AIG1: variants seen among roughly 807,000 people sequenced by gnomAD.
AIG1 encodes androgen-induced gene 1 protein.
Under a neutral mutation model 31.4 loss-of-function variants are expected in AIG1, and 23 were observed. The ratio of observed to expected loss-of-function variants is 0.73; its 90% CI spans 0.53 to 1.04. The LOEUF (loss-of-function observed/expected upper bound fraction) is 1.04, where lower values mean the gene tolerates loss of function less well. Among genes scored for constraint, AIG1 ranks in the 50% least tolerant of loss-of-function variants. AIG1 has a pLI of 0.00. For synonymous variants in AIG1, 100 were observed against 110.5 expected, an observed-to-expected ratio of 0.90 and a Z score of 0.60; for missense variants, 274 against 295.0, an observed-to-expected ratio of 0.93 and a Z score of 0.52.
chr6:143,276,404 C>T (rs1437762222), intron 3 of AIG1, among the ~76,000 whole-genome samples: 1 of 152,162 alleles, frequency 6.6e-6, no homozygotes, highest in Non-Finnish European at 1.5e-5. Flanking sequence ...GAGTTTTTCA[C>T]CTTGGGTCAC....
rs1798683821 is a variant in AIG1, at chr6:143,299,559, A to C, written c.515+15334A>C. The C allele has an allele frequency of 6.6e-6, 1 of 152,190 alleles. No individual in the cohort carries two copies. Among genetic ancestry groups the C allele is most frequent in the African/African-American group, 2.4e-5 (1 of 41,446 alleles). 9.4% of individuals were successfully genotyped at this position (152,190 alleles called of 1,614,324 possible). ...TTTGTTTCTTTTTGGCTAAAGATGG[A>C]AGTTTGAAGTTATGAAATACCCATA... On this transcript the variant is annotated intron_variant, in intron 4 of 5. Coordinates refer to ENST00000357847, the MANE Select transcript of AIG1 (RefSeq NM_016108.4). The surrounding 1 kb of genome is among the most constrained non-coding windows in gnomAD (Gnocchi z 4.1).
intron 1 of AIG1, among the ~76,000 whole-genome samples, chr6:143,130,778 A>C (rs1435227236): frequency 6.6e-6 from 1 of 152,126 alleles, no homozygotes. Context: ...TACACAGGTA[A>C]ATGTGCATCA....
At chr6:143,061,250 C>T (rs1302857715) in intron 1 of AIG1, 184 bp downstream of exon 1, 1 of 775,372 alleles carries the variant, frequency 1.3e-6, no homozygotes, top group Non-Finnish European at 2.2e-6. Context: ...CCCGCAGCGG[C>T]ACCTTCTGAA....
chr6:143,150,751 C>T (rs1403541691), intron 2 of AIG1, among the ~76,000 whole-genome samples: 1 of 152,176 alleles, frequency 6.6e-6, no homozygotes, highest in Non-Finnish European at 1.5e-5. Flanking sequence ...AAATCACCCA[C>T]ATGAAGTAGA....
intron 3 of AIG1, among the ~76,000 whole-genome samples, chr6:143,251,435 A>G (rs9321895): frequency 0.013 from 1,944 of 152,262 alleles, 49 homozygotes; most frequent in East Asian, 0.065. Flanking sequence ...TAACTGACCC[A>G]TGGAAGTCTC....
chr6:143,335,223 G>T, intron 5 of AIG1: 1 of 1,080,250 alleles, frequency 9.3e-7, no homozygotes, highest in South Asian at 4.0e-5. Context: ...TTTTGTTTTT[G>T]AATCAGTATT....
intron 3 of AIG1, among the ~76,000 whole-genome samples, chr6:143,183,532 A>T (rs1160248431): frequency 6.6e-6 from 1 of 152,128 alleles, no homozygotes; most frequent in Non-Finnish European, 1.5e-5. Flanking sequence ...GCCATCACAA[A>T]TCCCTCTGGA....
chr6:143,065,087 G>C (rs2128457099), intron 1 of AIG1, among the ~76,000 whole-genome samples: 1 of 152,308 alleles, frequency 6.6e-6, no homozygotes, highest in South Asian at 2.1e-4. Flanking sequence ...GATCAGTTAA[G>C]GTAGGGCAGG....
chr6:143,311,152 A>C (rs1201041311), intron 4 of AIG1, among the ~76,000 whole-genome samples: 1 of 151,936 alleles, frequency 6.6e-6, no homozygotes, highest in Non-Finnish European at 1.5e-5. Flanking sequence ...CAAGAAAGAA[A>C]ACTTACAGAC....
At chr6:143,250,579 C>T (rs1438088686) in intron 3 of AIG1, among the ~76,000 whole-genome samples, 4 of 152,086 alleles carry the variant, frequency 2.6e-5, no homozygotes, top group Non-Finnish European at 5.9e-5. Flanking sequence ...GCCCCAAATG[C>T]CATCACAGGT....
chr6:143,096,528 A>G (rs1779813600), intron 1 of AIG1, among the ~76,000 whole-genome samples: 1 of 152,210 alleles, frequency 6.6e-6, no homozygotes, highest in Non-Finnish European at 1.5e-5. Context: ...ACCCAGTCAG[A>G]TGGCTTCTCT....
intron 3 of AIG1, among the ~76,000 whole-genome samples, chr6:143,267,636 T>C (rs1176480071): frequency 6.6e-6 from 1 of 152,204 alleles, no homozygotes; most frequent in East Asian, 1.9e-4. Context: ...TGCCCTCATC[T>C]TGGTTCCTTC....
At chr6:143,285,089 A>G (rs893649330) in intron 4 of AIG1, among the ~76,000 whole-genome samples, 3 of 151,814 alleles carry the variant, frequency 2.0e-5, no homozygotes, top group Admixed American at 2.0e-4. Context: ...AAACCCCTCA[A>G]TTGTACTTAA....
At chr6:143,173,531 ACTTTCCTCTTAGCACTG>A (rs1281467954) in intron 3 of AIG1, among the ~76,000 whole-genome samples, 16 of 152,150 alleles carry the variant, frequency 1.1e-4, no homozygotes, top group Admixed American at 1.0e-3. Flanking sequence ...AATGCTATGA[ACTTTCCTCTTAGCACTG>A]CTTTTGCTGT....
At chr6:143,230,913 C>T (rs1793398678) in intron 3 of AIG1, among the ~76,000 whole-genome samples, 1 of 152,126 alleles carries the variant, frequency 6.6e-6, no homozygotes, top group South Asian at 2.1e-4. Context: ...TTTGTTGCTC[C>T]TTAAATGTAC....
chr6:143,246,266 A>G (rs1794614660), intron 3 of AIG1, among the ~76,000 whole-genome samples: 1 of 113,564 alleles, frequency 8.8e-6, no homozygotes, highest in East Asian at 9.8e-4. Context: ...AGACTGGGCA[A>G]TTTACAAAAA....
At chr6:143,316,169 G>T (rs1276204089) in intron 4 of AIG1, among the ~76,000 whole-genome samples, 1 of 151,868 alleles carries the variant, frequency 6.6e-6, no homozygotes, top group African/African-American at 2.4e-5. Context: ...TGAGATTTAG[G>T]GAACCCAAGA....
chr6:143,069,504 T>A (rs1272547016), intron 1 of AIG1, among the ~76,000 whole-genome samples: 2 of 152,206 alleles, frequency 1.3e-5, no homozygotes, highest in East Asian at 3.8e-4. Flanking sequence ...TGTCAATTTT[T>A]CTTTTATTTC....
At position 143,258,670 on chromosome 6, in the gene AIG1, G is replaced by A. The variant is rs190192325; in HGVS notation, c.400-25440G>A. Among the ~76,000 whole-genome samples the A allele has an allele frequency of 8.3e-4, 127 of 152,310 alleles. No individual in the cohort carries two copies. Among genetic ancestry groups the A allele is most frequent in the African/African-American group, 2.8e-3 (116 of 41,576 alleles). On this transcript the variant is annotated intron_variant, in intron 3 of 5. Coordinates refer to ENST00000357847, the MANE Select transcript of AIG1 (RefSeq NM_016108.4). The surrounding 1 kb of genome is among the most constrained non-coding windows in gnomAD (Gnocchi z 4.7). ...CACAGTTGAGGCAAAGAGACATTTT[G>A]AAGAGTATAAATGAAAGCTTAACTT...
Sources: gnomAD v4.1 joint callset for allele counts (sites outside exome capture counted in the v4.1 genomes callset) on GRCh38, gnomAD v4.1.1 for gene constraint, Gnocchi (gnomAD v3.1) non-coding constraint, MANE v1.5 for transcripts, NCBI Gene and HGNC (gene_info 2026-07-23, HGNC 2026-07-21) for gene names.